Variants in PRRC2B observed in about 807,000 individuals in gnomAD.
PRRC2B encodes proline rich coiled-coil 2B, also known as protein PRRC2B.
Under a neutral mutation model 242.3 loss-of-function variants are expected in PRRC2B, and 68 were observed. The ratio of observed to expected loss-of-function variants is 0.28; its 90% CI spans 0.23 to 0.34. PRRC2B has a LOEUF of 0.34. Among genes scored for constraint, PRRC2B ranks in the 10% least tolerant of loss-of-function variants. PRRC2B has a pLI of 1.00. For missense variants in PRRC2B, 2,835 were observed against 2,954.8 expected, an observed-to-expected ratio of 0.96 and a Z score of 0.94; for synonymous variants, 1,228 against 1,173.6, an observed-to-expected ratio of 1.05 and a Z score of -0.95.
At position 131,430,242 on chromosome 9, in the gene PRRC2B, A is replaced by G. The variant is rs1275088485; in HGVS notation, c.98A>G (p.Asp33Gly). 2 of 1,594,332 alleles carry G rather than the reference A, an allele frequency of 1.3e-6. No homozygotes were observed. Among genetic ancestry groups the G allele is most frequent in the South Asian group, 2.3e-5 (2 of 87,844 alleles). ...GATAAGTATAAAGGAAAATCAGTAG[A>G]CGCGATTAGATCCTCAGGTAAGGCC... The part of the protein sequence containing the change: ...LFDKYKGKSV[D>G]AIRSSVIPRH... Residue 33 changes from aspartate (D) to glycine (G), a missense_variant, in exon 2 of 32, where the codon GAC becomes GGC. Physicochemically the swap from Asp to Gly is moderately conservative, Grantham distance 94. Around this residue, in one of 7 missense-constraint regions of PRRC2B, gnomAD observed 626 missense variants for 685.5 expected, o/e 0.91. Transcript: ENST00000683519.
At chr9:131,438,083 A>G (rs1238457260) in intron 4 of PRRC2B, among the ~76,000 whole-genome samples, 4 of 152,216 alleles carry the variant, frequency 2.6e-5, no homozygotes, top group South Asian at 4.1e-4. Flanking sequence ...TGTGAGGGGC[A>G]GGTAAGAAGA....
intron 1 of PRRC2B, among the ~76,000 whole-genome samples, chr9:131,401,112 T>C (rs1005760925): frequency 4.0e-5 from 6 of 151,874 alleles, no homozygotes; most frequent in African/African-American, 1.2e-4. Context: ...CCCCCTACAG[T>C]TTCTCTTTAT....
chr9:131,483,335 G>T, intron 22 of PRRC2B, 24 bp from the exon 23 acceptor site: 2 of 1,608,556 alleles, frequency 1.2e-6, no homozygotes, highest in Non-Finnish European at 1.7e-6. Context: ...TCAGTGGGCT[G>T]TGTGGCCTTT....
At chr9:131,495,590 G>A in intron 31 of PRRC2B, 150 bp from the exon 32 acceptor site, 3 of 826,976 alleles carry the variant, frequency 3.6e-6, no homozygotes, top group South Asian at 3.5e-5. Flanking sequence ...TAGGAGGGGG[G>A]TTTCTAAGTC....
In PRRC2B at chr9:131,473,621, C is replaced by T; in HGVS notation, c.2221C>T (p.Pro741Ser). The change falls in exon 15 of 32, where the codon CCC becomes TCC. Residue 741 changes from proline (P) to serine (S), a missense_variant. Pro to Ser is a moderately conservative substitution (Grantham distance 74, BLOSUM62 -1). Transcript: ENST00000683519. ...QERKVTPIDS[P>S]PVWSPEGYMA... ...AAGAAAAGTGACCCCCATCGACTCA[C>T]CCCCTGTGTGGAGCCCAGAGGGCTA... 6.2e-7 allele frequency: 1 copy of T among 1,613,682 alleles called. No individual in the cohort carries two copies.
chr9:131,414,223 T>A (rs1837580867), intron 1 of PRRC2B, among the ~76,000 whole-genome samples: 1 of 151,132 alleles, frequency 6.6e-6, no homozygotes, highest in Non-Finnish European at 1.5e-5. Flanking sequence ...GGGAAAAAAA[T>A]GAAACTTTTA....
intron 30 of PRRC2B, among the ~76,000 whole-genome samples, chr9:131,492,937 G>A (rs2131487505): frequency 6.6e-6 from 1 of 152,278 alleles, no homozygotes; most frequent in Non-Finnish European, 1.5e-5. Context: ...TGTTACATGT[G>A]GGAGATTCCT....
At chr9:131,440,678 C>A (rs958629082) in intron 5 of PRRC2B, among the ~76,000 whole-genome samples, 1 of 152,012 alleles carries the variant, frequency 6.6e-6, no homozygotes, top group Non-Finnish European at 1.5e-5. Flanking sequence ...CCTTGAAATG[C>A]CTGTAAAATT....
chr9:131,471,370 G>A (rs1332244761), intron 14 of PRRC2B, among the ~76,000 whole-genome samples: 1 of 151,880 alleles, frequency 6.6e-6, no homozygotes, highest in Non-Finnish European at 1.5e-5. Context: ...ACTTATTTGG[G>A]TTTTATTTTA....
Position 131,455,111 on chromosome 9 carries a change from A to C in PRRC2B, c.1156A>C (p.Lys386Gln). Residue 386 changes from lysine (K) to glutamine (Q), a missense_variant, in exon 10 of 32, where the codon AAG becomes CAG. By Grantham distance (53) the Lys-to-Gln change is moderately conservative. Coordinates refer to ENST00000683519, the MANE Select transcript of PRRC2B (RefSeq NM_013318.4). Reference protein sequence around the residue: ...HEEVDYSEKLKFSDDEEEEEV... With the variant: ...HEEVDYSEKLQFSDDEEEEEV... ...AGAAGTGGACTATTCTGAGAAACTGAAGTTCAGTGATGATGAAGAGGAGGA... is the reference window on the plus strand; with the variant it reads ...AGAAGTGGACTATTCTGAGAAACTGCAGTTCAGTGATGATGAAGAGGAGGA... The C allele has an allele frequency of 5.0e-6, 8 of 1,613,782 alleles. No individual in the cohort carries two copies. Among genetic ancestry groups the C allele is most frequent in the Non-Finnish European group, 6.8e-6 (8 of 1,179,796 alleles).
At chr9:131,410,605 A>G (rs569051618) in intron 1 of PRRC2B, among the ~76,000 whole-genome samples, 5 of 152,202 alleles carry the variant, frequency 3.3e-5, no homozygotes, top group Non-Finnish European at 5.9e-5. Context: ...GTGACCTTGA[A>G]CTAGTTATTT....
rs1211433784 is a variant in PRRC2B, at chr9:131,494,279, C to T, written c.6474-126C>T. 21 of 609,162 alleles carry T rather than the reference C, an allele frequency of 3.4e-5. No homozygotes were observed. Among genetic ancestry groups the T allele is most frequent in the Non-Finnish European group, 5.9e-5 (20 of 339,882 alleles). 37.7% of individuals were successfully genotyped at this position (609,162 alleles called of 1,614,324 possible). A position where few individuals can be genotyped will look rare whatever the true frequency, so the allele number is the denominator to read the frequency against. ...TTTTCCATCCAAGAGATCCACGGAC[C>T]GTCCCGAGTGAGCGCCTCTGGCCGC... On this transcript the variant is annotated intron_variant, in intron 30 of 31. Coordinates refer to ENST00000683519, the MANE Select transcript of PRRC2B (RefSeq NM_013318.4). The surrounding 1 kb of genome is among the most constrained non-coding windows in gnomAD (Gnocchi z 4.3).
chr9:131,408,056 G>T (rs981448224), intron 1 of PRRC2B, among the ~76,000 whole-genome samples: 2 of 152,190 alleles, frequency 1.3e-5, no homozygotes, highest in Non-Finnish European at 2.9e-5. Flanking sequence ...GCCCTAATCC[G>T]CCTCCTGCAG....
intron 1 of PRRC2B, among the ~76,000 whole-genome samples, chr9:131,394,467 G>C (rs1234735774): frequency 6.8e-6 from 1 of 146,758 alleles, no homozygotes; most frequent in Non-Finnish European, 1.5e-5. Flanking sequence ...AGGCCGCGGG[G>C]CCTGGGGGCG....
At chr9:131,390,768 C>A (rs1287953868), upstream of PRRC2B, among the ~76,000 whole-genome samples, 1 of 146,292 alleles carries the variant, frequency 6.8e-6, no homozygotes, top group East Asian at 2.0e-4. Context: ...AGGCGTGAGC[C>A]ACTGTGCCCT....
chr9:131,475,854 C>G lies in PRRC2B; in HGVS notation c.3725C>G (p.Ser1242Cys). 3 of 1,613,712 alleles carry G rather than the reference C, an allele frequency of 1.9e-6. No homozygotes were observed. The highest frequency in any genetic ancestry group is 1.7e-5 in the Admixed American group (1 of 60,018). Residue 1242 changes from serine (S) to cysteine (C), a missense_variant, in exon 16 of 32, where the codon TCC becomes TGC. Ser to Cys is a moderately radical substitution (Grantham distance 112). Transcript: ENST00000683519. ...AGCTCTTGGCAGGAATATGGCCCTT[C>G]CGACACATGCGGATCCCGGCGACCT... ...PGSSWQEYGP[S>C]DTCGSRRPTD...
Position 131,487,192 on chromosome 9 carries a change from T to C in PRRC2B, c.5882T>C (p.Ile1961Thr), listed in dbSNP as rs1265235584. 6.2e-7 allele frequency: 1 copy of C among 1,613,740 alleles called. No homozygotes were observed. The highest frequency in any genetic ancestry group is 8.5e-7 in the Non-Finnish European group (1 of 1,179,846). ...QQAAAAQQIP[I>T]SLHTSLQAQA... is the part of the protein sequence containing the mutation. ...GCCGCCGCTGCCCAGCAGATCCCGATCTCCCTTCACACATCTCTGCAGGCA... is the reference window on the plus strand; with the variant it reads ...GCCGCCGCTGCCCAGCAGATCCCGACCTCCCTTCACACATCTCTGCAGGCA... Residue 1961 changes from isoleucine (I) to threonine (T), a missense_variant, in exon 27 of 32, where the codon ATC becomes ACC. Around this residue, in one of 7 missense-constraint regions of PRRC2B, gnomAD observed 574 missense variants for 626.0 expected, o/e 0.92. Transcript: ENST00000683519. The surrounding 1 kb of genome is among the most constrained non-coding windows in gnomAD (Gnocchi z 5.3).
At position 131,455,165 on chromosome 9, in the gene PRRC2B, T is replaced by A; in HGVS notation, c.1210T>A (p.Trp404Arg). ...AGTTGTGAAGGACGGCAGGCCAAAG[T>A]GGTAAGGACCCGTTCCTGCCCTATC... is the stretch of plus-strand genomic sequence containing the variant. ...EEVVKDGRPKWNSWDPRRQRQ... is the reference protein window; with the variant it reads ...EEVVKDGRPKRNSWDPRRQRQ... Residue 404 changes from tryptophan to arginine, a missense_variant and splice_region_variant, in exon 10 of 32, where the codon TGG (tryptophan) becomes AGG (arginine). Physicochemically the swap from Trp to Arg is moderately radical, Grantham distance 101. Coordinates refer to ENST00000683519, the MANE Select transcript of PRRC2B (RefSeq NM_013318.4). 6.2e-7 allele frequency: 1 copy of A among 1,611,820 alleles called. No individual in the cohort carries two copies. Among genetic ancestry groups the A allele is most frequent in the South Asian group, 1.1e-5 (1 of 90,894 alleles).
rs1052459432 is a variant in PRRC2B at position 131,494,006 on chromosome 9, G to A, written c.6474-399G>A. Reference sequence around the variant, plus strand: ...AAAAGTGAAGACTAGAACAATACTCGGCACAGTTCTGGCTCAGCGTCAGGC... The same window carrying A: ...AAAAGTGAAGACTAGAACAATACTCAGCACAGTTCTGGCTCAGCGTCAGGC... On this transcript the variant is annotated intron_variant, in intron 30 of 31. Coordinates refer to ENST00000683519, the MANE Select transcript of PRRC2B (RefSeq NM_013318.4). The surrounding 1 kb of genome is among the most constrained non-coding windows in gnomAD (Gnocchi z 4.3). 2.6e-5 allele frequency among the ~76,000 whole-genome samples: 4 copies of A among 152,174 alleles called. No homozygotes were observed. Among genetic ancestry groups the A allele is most frequent in the Non-Finnish European group, 5.9e-5 (4 of 68,038 alleles).
Sources: allele counts gnomAD v4.1 joint callset (sites outside exome capture counted in the v4.1 genomes callset), GRCh38; gene constraint gnomAD v4.1.1; regional missense constraint gnomAD v4.1.1; non-coding constraint Gnocchi (gnomAD v3.1); transcripts MANE v1.5; gene names NCBI Gene and HGNC (gene_info 2026-07-23, HGNC 2026-07-21).